CPA6: variants seen among roughly 807,000 people sequenced by gnomAD.
CPA6 encodes carboxypeptidase A6, also known as carboxypeptidase B.
A neutral mutation model predicts 63.3 loss-of-function variants in CPA6; 58 were observed. That is an observed-to-expected ratio of 0.92 (90% CI 0.74 to 1.14). The LOEUF (loss-of-function observed/expected upper bound fraction) is 1.14. CPA6 is among the 50% of genes most tolerant of loss of function. The probability of loss-of-function intolerance (pLI) is 0.00; values close to 1 mark genes in which losing one functional copy is unlikely to be tolerated. For synonymous variants in CPA6, 185 were observed against 179.0 expected, an observed-to-expected ratio of 1.03 and a Z score of -0.27; for missense variants, 565 against 526.6, an observed-to-expected ratio of 1.07 and a Z score of -0.71.
chr8:67,648,227 T>C (rs1286937684), intron 1 of CPA6, among the ~76,000 whole-genome samples: 9 of 149,746 alleles, frequency 6.0e-5, no homozygotes, highest in Admixed American at 6.0e-4. Flanking sequence ...AGATGAAAGA[T>C]CAGAAATAGT....
intron 1 of CPA6, among the ~76,000 whole-genome samples, chr8:67,692,328 CAAAAAAA>C (rs55676882): frequency 2.2e-5 from 2 of 89,976 alleles, no homozygotes; most frequent in Non-Finnish European, 2.3e-5. Context: ...AATCCTGTCT[CAAAAAAA>C]AAAAAAAAAA....
chr8:67,572,270 G>A (rs1004612326), intron 2 of CPA6, among the ~76,000 whole-genome samples: 2 of 152,212 alleles, frequency 1.3e-5, no homozygotes, highest in African/African-American at 2.4e-5. Context: ...ATGTGGTGGT[G>A]TTGGGAGGTG....
chr8:67,671,813 T>A lies in CPA6; in HGVS notation c.117-47562A>T, dbSNP rs533471395. Among the ~76,000 whole-genome samples, 30 of 152,300 alleles carry A rather than the reference T, an allele frequency of 2.0e-4. No homozygotes were observed. The Middle Eastern group carries it at 0.01, about 52-fold the overall frequency. On this transcript the variant is annotated intron_variant, in intron 1 of 10. Coordinates refer to ENST00000297770, the MANE Select transcript of CPA6 (RefSeq NM_020361.5). ...ACTTTGGAGAACCAGCATTATTTTA[T>A]TTTTTAAATTAAATTTTATTGTATT...
At chr8:67,711,686 T>TACAC (rs5892094) in intron 1 of CPA6, among the ~76,000 whole-genome samples, 8,072 of 133,894 alleles carry the variant, frequency 0.06, 266 homozygotes, top group African/African-American at 0.11. Flanking sequence ...TATGCCTGTG[T>TACAC]ACACACACAC....
intron 1 of CPA6, among the ~76,000 whole-genome samples, chr8:67,710,930 T>C (rs774978697): frequency 1.3e-5 from 2 of 152,238 alleles, no homozygotes; most frequent in African/African-American, 2.4e-5. Flanking sequence ...GTAATGACCA[T>C]TGTCTTAGTA....
At chr8:67,612,696 G>A (rs1277494025) in intron 2 of CPA6, among the ~76,000 whole-genome samples, 4 of 152,166 alleles carry the variant, frequency 2.6e-5, no homozygotes, top group African/African-American at 7.2e-5. Context: ...AAACAAAATG[G>A]TAGAAAACAG....
intron 2 of CPA6, among the ~76,000 whole-genome samples, chr8:67,518,509 CTTTT>C (rs71554610): frequency 7.7e-6 from 1 of 129,882 alleles, no homozygotes; most frequent in Admixed American, 7.7e-5. Flanking sequence ...CTTTTCTTTT[CTTTT>C]TTTTTTTTTT....
intron 6 of CPA6, among the ~76,000 whole-genome samples, chr8:67,503,828 T>C (rs1020121552): frequency 6.6e-6 from 1 of 152,152 alleles, no homozygotes; most frequent in African/African-American, 2.4e-5. Context: ...GGTGGTTTGC[T>C]GTGCCTATCA....
At chr8:67,510,406 ATGTG>A (rs71554609) in intron 4 of CPA6, among the ~76,000 whole-genome samples, 14 of 150,334 alleles carry the variant, frequency 9.3e-5, no homozygotes, top group Middle Eastern at 3.5e-3. Flanking sequence ...AGCAGGATAT[ATGTG>A]TGTGTGTGTG....
chr8:67,675,339 C>T (rs1360234637), intron 1 of CPA6, among the ~76,000 whole-genome samples: 4 of 152,138 alleles, frequency 2.6e-5, no homozygotes, highest in Non-Finnish European at 5.9e-5. Flanking sequence ...TCTTCACAAT[C>T]GAGGGGCTGC....
At chr8:67,595,153 CCT>C (rs1175402467) in intron 2 of CPA6, among the ~76,000 whole-genome samples, 2 of 152,126 alleles carry the variant, frequency 1.3e-5, no homozygotes, top group Non-Finnish European at 2.9e-5. Context: ...CACTCCAGAC[CCT>C]GTTTGCCTGG....
intron 1 of CPA6, among the ~76,000 whole-genome samples, chr8:67,730,023 G>A (rs942712871): frequency 6.6e-6 from 1 of 152,194 alleles, no homozygotes; most frequent in African/African-American, 2.4e-5. Flanking sequence ...GCAGATGTAG[G>A]GCGGGGGAGG....
chr8:67,691,857 ATTTG>A (rs1183964997), intron 1 of CPA6, among the ~76,000 whole-genome samples: 1 of 151,996 alleles, frequency 6.6e-6, no homozygotes, highest in Non-Finnish European at 1.5e-5. Flanking sequence ...TGGAAGTGTT[ATTTG>A]TTTGAGACCA....
chr8:67,424,801 G>GT (rs1451454836), intron 10 of CPA6, among the ~76,000 whole-genome samples: 3 of 152,090 alleles, frequency 2.0e-5, no homozygotes, highest in African/African-American at 4.8e-5. Flanking sequence ...CTCTTTTTCT[G>GT]TTTTTTGTTT....
intron 2 of CPA6, among the ~76,000 whole-genome samples, chr8:67,590,888 A>C (rs1053038344): frequency 2.0e-5 from 3 of 151,930 alleles, no homozygotes; most frequent in Non-Finnish European, 4.4e-5. Flanking sequence ...TCTTTAGTTT[A>C]ATTAGATCCC....
At chr8:67,540,186 T>A (rs1812675190) in intron 2 of CPA6, among the ~76,000 whole-genome samples, 1 of 152,142 alleles carries the variant, frequency 6.6e-6, no homozygotes, top group African/African-American at 2.4e-5. Context: ...TGGTTTTTTT[T>A]TTCGTGGGTG....
At chr8:67,543,706 T>A (rs190086193) in intron 2 of CPA6, among the ~76,000 whole-genome samples, 5,716 of 152,204 alleles carry the variant, frequency 0.038, 147 homozygotes, top group Non-Finnish European at 0.059. Context: ...GTTCACATTG[T>A]TGTGAAACAC....
At chr8:67,556,664 C>T (rs1332441118) in intron 2 of CPA6, among the ~76,000 whole-genome samples, 1 of 152,202 alleles carries the variant, frequency 6.6e-6, no homozygotes, top group African/African-American at 2.4e-5. Flanking sequence ...TATGAGCACA[C>T]TCCAGGAAAA....
intron 2 of CPA6, among the ~76,000 whole-genome samples, chr8:67,580,362 G>T (rs1813739931): frequency 6.6e-6 from 1 of 152,186 alleles, no homozygotes; most frequent in Admixed American, 6.5e-5. Flanking sequence ...TGAGAAGAAA[G>T]TTCTGACCCT....
Sources: gnomAD v4.1 joint callset for allele counts (sites outside exome capture counted in the v4.1 genomes callset) on GRCh38, gnomAD v4.1.1 for gene constraint, MANE v1.5 for transcripts, NCBI Gene and HGNC (gene_info 2026-07-23, HGNC 2026-07-21) for gene names.